Variants in PLPP3 observed in about 807,000 individuals in gnomAD.
PLPP3 encodes the protein phospholipid phosphatase 3, also known as PAP2 beta.
In PLPP3, 6 loss-of-function variants were observed where a neutral mutation model predicts 29.6. The ratio of observed to expected loss-of-function variants is 0.20; its 90% CI spans 0.11 to 0.40. PLPP3 has a LOEUF of 0.40. PLPP3 is among the 10% of genes least tolerant of loss of function. The pLI is 1.00. For missense variants in PLPP3, 308 were observed against 407.7 expected, an observed-to-expected ratio of 0.76 and a Z score of 2.11; for synonymous variants, 152 against 159.7, an observed-to-expected ratio of 0.95 and a Z score of 0.36.
At position 56,526,308 on chromosome 1, in the gene PLPP3, G is replaced by A. The variant is rs925576618; in HGVS notation, c.298-1754C>T. ...ATTACCAAGAATGCTTTGATAACAC[G>A]TTGCAGAGATTAAACTCCAGGAAGC... On this transcript the variant is annotated intron_variant, in intron 2 of 5. Transcript: ENST00000371250. 3.9e-5 allele frequency among the ~76,000 whole-genome samples: 6 copies of A among 152,138 alleles called. 1 individual carries two copies. The highest frequency in any genetic ancestry group is 1.2e-4 in the African/African-American group (5 of 41,424).
chr1:56,509,419 T>C (rs2100229723), intron 5 of PLPP3, among the ~76,000 whole-genome samples: 1 of 152,308 alleles, frequency 6.6e-6, no homozygotes, highest in Middle Eastern at 3.4e-3. Flanking sequence ...AGGGCATAGC[T>C]TTGAGTCCAT....
intron 1 of PLPP3, among the ~76,000 whole-genome samples, chr1:56,552,612 T>C (rs979157355): frequency 2.6e-5 from 4 of 152,016 alleles, no homozygotes; most frequent in Admixed American, 6.6e-5. Context: ...CATAGAAAAA[T>C]TGATCTTTCC....
chr1:56,529,914 T>A (rs912701079), intron 2 of PLPP3, among the ~76,000 whole-genome samples: 1 of 152,104 alleles, frequency 6.6e-6, no homozygotes, highest in African/African-American at 2.4e-5. Context: ...CAGAAGTTAT[T>A]TATGGTTGAA....
chr1:56,552,932 AG>A lies in PLPP3; in HGVS notation c.140-15821del, dbSNP rs576665129. Among the ~76,000 whole-genome samples, 352 of 152,286 alleles carry A rather than the reference AG, an allele frequency of 2.3e-3. 1 individual carries two copies. The highest frequency in any genetic ancestry group is 8.0e-3 in the African/African-American group (333 of 41,558). Reference sequence around the variant, plus strand: ...CTGGGCTGGGGGTCTCAGGAGTTCAAGGTTGGATTCTTCTGCGAATGAAGAA... The same window carrying A: ...CTGGGCTGGGGGTCTCAGGAGTTCAAGTTGGATTCTTCTGCGAATGAAGAA... On this transcript the variant is annotated intron_variant, in intron 1 of 5. Transcript: ENST00000371250.
rs760477069 is a variant in PLPP3, at chr1:56,578,867, G to A, written c.139+11C>T. 2.6e-6 allele frequency: 4 copies of A among 1,552,556 alleles called. No homozygotes were observed. Among genetic ancestry groups the A allele is most frequent in the Non-Finnish European group, 3.5e-6 (4 of 1,152,592 alleles). The stretch of plus-strand genomic sequence containing the variant: ...GGCCGAGGGGCCGAGGGACAGCGGG[G>A]CTGGGCTCACCCATGAAGAGGCAGA... On this transcript the variant is annotated intron_variant, in intron 1 of 5. Coordinates refer to ENST00000371250, the MANE Select transcript of PLPP3 (RefSeq NM_003713.5).
intron 1 of PLPP3, among the ~76,000 whole-genome samples, chr1:56,560,951 C>T (rs529671184): frequency 1.5e-4 from 22 of 151,072 alleles, no homozygotes; most frequent in Non-Finnish European, 2.8e-4. Flanking sequence ...CATTCTCCTG[C>T]CTCAGCCTCC....
At chr1:56,557,727 C>T (rs954109811) in intron 1 of PLPP3, among the ~76,000 whole-genome samples, 1 of 152,216 alleles carries the variant, frequency 6.6e-6, no homozygotes. Context: ...ATTTTATAGA[C>T]ATGCTGGTGA....
At chr1:56,523,777 C>T (rs768910283) in intron 4 of PLPP3, 46 bp downstream of exon 4, 26 of 1,569,966 alleles carry the variant, frequency 1.7e-5, no homozygotes, top group Middle Eastern at 3.3e-4. Flanking sequence ...CAGAAGGGAT[C>T]GAAGCTGGAA....
intron 1 of PLPP3, among the ~76,000 whole-genome samples, chr1:56,557,026 A>AAGAAAGAGAGAG (rs1553139341): frequency 1.1e-4 from 1 of 9,522 alleles, no homozygotes; most frequent in African/African-American, 2.5e-4. Flanking sequence ...GAGAGAGAGA[A>AAGAAAGAGAGAG]AGAGAGAGAG....
At chr1:56,538,724 T>A (rs1178968087) in intron 1 of PLPP3, 1 of 233,480 alleles carries the variant, frequency 4.3e-6, no homozygotes, top group Non-Finnish European at 8.7e-6. Flanking sequence ...AGAATTAATG[T>A]GCATATTGAG....
Position 56,496,591 on chromosome 1 carries a change from A to T in PLPP3, c.896T>A (p.Val299Glu). The T allele has an allele frequency of 6.2e-7, 1 of 1,614,094 alleles. No individual in the cohort carries two copies. Among genetic ancestry groups the T allele is most frequent in the Non-Finnish European group, 8.5e-7 (1 of 1,179,970 alleles). Residue 299 changes from valine to glutamate, a missense_variant, in exon 6 of 6, where the codon GTG becomes GAG. Transcript: ENST00000371250. ...GTGATTGTTCCTGTCAATAATGTCCACAGGTGAAAGGATTTCCTTCCGGAT... is the reference window on the plus strand; with the variant it reads ...GTGATTGTTCCTGTCAATAATGTCCTCAGGTGAAAGGATTTCCTTCCGGAT... ...PAIRKEILSP[V>E]DIIDRNNHHN...
chr1:56,578,050 C>T (rs1219088333), intron 1 of PLPP3, among the ~76,000 whole-genome samples: 1 of 152,134 alleles, frequency 6.6e-6, no homozygotes, highest in African/African-American at 2.4e-5. Context: ...TCCTTTAACT[C>T]CCACCGCTCT....
chr1:56,512,113 G>A lies in PLPP3; in HGVS notation c.673C>T (p.Leu225=). ...GTGAACTGCAGGAGGGGCCGGAGCA[G>A]GCGGGCTCCTCGCCAAGTGAAGCGG... is the stretch of plus-strand genomic sequence containing the variant. The part of the protein sequence containing the change: ...QARFTWRGAR[L]LRPLLQFTLI... The change falls in exon 5 of 6, where the codon CTG becomes TTG. Residue 225 remains leucine (L), a synonymous_variant. Coordinates refer to ENST00000371250, the MANE Select transcript of PLPP3 (RefSeq NM_003713.5). 6.2e-7 allele frequency: 1 copy of A among 1,609,508 alleles called. No homozygotes were observed. Among genetic ancestry groups the A allele is most frequent in the East Asian group, 2.2e-5 (1 of 44,664 alleles).
chr1:56,525,822 G>A (rs191476626), intron 2 of PLPP3, among the ~76,000 whole-genome samples: 4 of 152,088 alleles, frequency 2.6e-5, no homozygotes, highest in Non-Finnish European at 4.4e-5. Flanking sequence ...TGGCATATCC[G>A]GACACTCCTT....
Position 56,536,949 on chromosome 1 carries a change from A to G in PLPP3, c.297+6T>C. 2 of 1,613,554 alleles carry G rather than the reference A, an allele frequency of 1.2e-6. No individual in the cohort carries two copies. The highest frequency in any genetic ancestry group is 1.1e-5 in the South Asian group (1 of 91,032). On this transcript the variant is annotated splice_donor_region_variant and intron_variant, in intron 2 of 5. Transcript: ENST00000371250. ...GGATCCACCATAGCAGAGTCTGGAC[A>G]CTTACCGCGAGGATGGCAATGACGA...
chr1:56,547,422 T>A (rs1646013140), intron 1 of PLPP3, among the ~76,000 whole-genome samples: 1 of 152,028 alleles, frequency 6.6e-6, no homozygotes, highest in African/African-American at 2.4e-5. Flanking sequence ...CTCTCCCACA[T>A]CCCAAATCCT....
Position 56,524,642 on chromosome 1 carries a change from A to G in PLPP3, c.298-88T>C. 1 of 1,410,948 alleles carries G rather than the reference A, an allele frequency of 7.1e-7. No homozygotes were observed. Among genetic ancestry groups the G allele is most frequent in the Non-Finnish European group, 9.7e-7 (1 of 1,027,392 alleles). The allele number at this position is 1,410,948 out of a possible 1,614,324, so 87.4% of individuals were successfully genotyped here. A position where few individuals can be genotyped will look rare whatever the true frequency, so the allele number is the denominator to read the frequency against. The stretch of plus-strand genomic sequence containing the variant: ...AACGGATATTCAACAACACAGGAGA[A>G]TATTCAGTATTTGCAAAGGAGTGTC... On this transcript the variant is annotated intron_variant, in intron 2 of 5. Transcript: ENST00000371250. The surrounding 1 kb of genome is among the most constrained non-coding windows in gnomAD (Gnocchi z 4.3).
intron 1 of PLPP3, among the ~76,000 whole-genome samples, chr1:56,568,707 C>T (rs909064692): frequency 2.0e-5 from 3 of 152,114 alleles, no homozygotes; most frequent in African/African-American, 7.2e-5. Flanking sequence ...CTTACTGCAA[C>T]CTCCGCCTCC....
chr1:56,511,848 G>A, intron 5 of PLPP3, 128 bp downstream of exon 5: 2 of 1,125,528 alleles, frequency 1.8e-6, no homozygotes, highest in Non-Finnish European at 2.6e-6. Context: ...CCTAAGGCCA[G>A]GTGACTCTTC....
Sources: allele counts gnomAD v4.1 joint callset (sites outside exome capture counted in the v4.1 genomes callset), GRCh38; gene constraint gnomAD v4.1.1; non-coding constraint Gnocchi (gnomAD v3.1); transcripts MANE v1.5; gene names NCBI Gene and HGNC (gene_info 2026-07-23, HGNC 2026-07-21).